The following ZFPM1 variants were observed in gnomAD, a reference collection of about 807,000 sequenced individuals.
ZFPM1 encodes zinc finger protein, FOG family member 1.
Under a neutral mutation model 46.3 loss-of-function variants are expected in ZFPM1, and 28 were observed. That is an observed-to-expected ratio of 0.60 (90% CI 0.45 to 0.83). The LOEUF (loss-of-function observed/expected upper bound fraction) is 0.83, where lower values mean the gene tolerates loss of function less well. Among genes scored for constraint, ZFPM1 ranks in the 40% least tolerant of loss-of-function variants. ZFPM1 has a pLI of 0.00. For synonymous variants in ZFPM1, 957 were observed against 675.9 expected (o/e 1.42, Z -6.45); for missense variants, 1,878 against 1,432.4 (o/e 1.31, Z -5.02).
intron 3 of ZFPM1, among the ~76,000 whole-genome samples, chr16:88,508,169 CACCTG>C (rs1910761820): frequency 6.6e-6 from 1 of 152,138 alleles, no homozygotes; most frequent in South Asian, 2.1e-4. Context: ...CGGTGGCGCG[CACCTG>C]TACTCCCAGC....
chr16:88,459,314 G>A (rs1434688234), intron 1 of ZFPM1, among the ~76,000 whole-genome samples: 4 of 152,168 alleles, frequency 2.6e-5, no homozygotes, highest in African/African-American at 4.8e-5. Context: ...CCAGAGGGAC[G>A]CTCAGCTCAA....
rs1432696046 is a variant in ZFPM1, at chr16:88,534,799, G to A, written c.2841G>A (p.Pro947=). 3 of 1,374,026 alleles carry A rather than the reference G, an allele frequency of 2.2e-6. No homozygotes were observed. Among genetic ancestry groups the A allele is most frequent in the Non-Finnish European group, 2.8e-6 (3 of 1,058,894 alleles). The allele number at this position is 1,374,026 out of a possible 1,614,324, so 85.1% of individuals were successfully genotyped here. ...AAAPEAVPPP[P]APPSYSDKGV... ...CGCCCGAGGCCGTGCCGCCCCCGCC[G>A]GCGCCCCCCTCCTACTCGGACAAGG... Residue 947 remains proline (P), a synonymous_variant, in exon 10 of 10, where the codon CCG becomes CCA. Coordinates refer to ENST00000319555, the MANE Select transcript of ZFPM1 (RefSeq NM_153813.3).
chr16:88,481,672 C>G (rs1163030248), intron 1 of ZFPM1, among the ~76,000 whole-genome samples: 1 of 152,052 alleles, frequency 6.6e-6, no homozygotes, highest in Non-Finnish European at 1.5e-5. Context: ...CTCCATGCAC[C>G]CTGTCCCCCT....
intron 1 of ZFPM1, among the ~76,000 whole-genome samples, chr16:88,482,360 A>G (rs1597240036): frequency 6.6e-6 from 1 of 152,244 alleles, no homozygotes; most frequent in East Asian, 1.9e-4. Context: ...CCAGGGCAGC[A>G]TCCACCTCGA....
chr16:88,505,920 C>G (rs1202947477), intron 3 of ZFPM1, among the ~76,000 whole-genome samples: 1 of 152,242 alleles, frequency 6.6e-6, no homozygotes, highest in Admixed American at 6.5e-5. Context: ...AGGACAGGCA[C>G]CCCCCGCACC....
intron 1 of ZFPM1, among the ~76,000 whole-genome samples, chr16:88,465,101 C>G (rs1908075281): frequency 6.6e-6 from 1 of 152,234 alleles, no homozygotes; most frequent in African/African-American, 2.4e-5. Context: ...CTCCCAGCCT[C>G]TTTTGGCCCC....
At chr16:88,513,863 TCTTTTCTGTCTC>T (rs1911119815) in intron 3 of ZFPM1, among the ~76,000 whole-genome samples, 1 of 152,182 alleles carries the variant, frequency 6.6e-6, no homozygotes. Context: ...CTTCCCATGG[TCTTTTCTGTCTC>T]CTTTTCTGTG....
rs1567560134 is a variant in ZFPM1 at position 88,535,228 on chromosome 16, C to G, written c.*249C>G. ...CACACGCAGCCAGTGTCACATCCAGCCCTGCTGTGTACACAGGCCACTGCG... is the reference window on the plus strand; with the variant it reads ...CACACGCAGCCAGTGTCACATCCAGGCCTGCTGTGTACACAGGCCACTGCG... On this transcript the variant is annotated 3_prime_UTR_variant, in exon 10 of 10. Transcript: ENST00000319555. 2.7e-6 allele frequency: 1 copy of G among 365,136 alleles called. No homozygotes were observed. Among genetic ancestry groups the G allele is most frequent in the African/African-American group, 2.1e-5 (1 of 47,056 alleles). The allele number at this position is 365,136 out of a possible 1,614,324, so 22.6% of individuals were successfully genotyped here.
At chr16:88,501,941 TC>T (rs1426989855) in intron 3 of ZFPM1, among the ~76,000 whole-genome samples, 2 of 152,176 alleles carry the variant, frequency 1.3e-5, no homozygotes, top group African/African-American at 4.8e-5. Context: ...ACGTGGTTCA[TC>T]CGAGGTGGAG....
intron 6 of ZFPM1, among the ~76,000 whole-genome samples, chr16:88,529,279 C>T (rs917463345): frequency 2.0e-5 from 3 of 152,176 alleles, no homozygotes; most frequent in East Asian, 1.9e-4. Context: ...GGGACGGCAC[C>T]GGATGGCGTT....
At chr16:88,503,142 C>A (rs763211170) in intron 3 of ZFPM1, among the ~76,000 whole-genome samples, 7 of 152,238 alleles carry the variant, frequency 4.6e-5, no homozygotes, top group East Asian at 3.9e-4. Context: ...CAGTGGGGAC[C>A]CCCGTGGGTC....
Position 88,453,622 on chromosome 16 carries a change from C to A in ZFPM1, c.-17C>A. On this transcript the variant is annotated 5_prime_UTR_variant, in exon 1 of 10. Transcript: ENST00000319555. ...GGGCTAGAGGCGGCCGCCGGGAGGG[C>A]GCGCGGCGCCGGAGACATGTCCAGG... The A allele has an allele frequency of 9.0e-7, 1 of 1,112,052 alleles. No individual in the cohort carries two copies. Among genetic ancestry groups the A allele is most frequent in the Middle Eastern group, 3.8e-4 (1 of 2,604 alleles). The allele number at this position is 1,112,052 out of a possible 1,614,324, so 68.9% of individuals were successfully genotyped here. A position where few individuals can be genotyped will look rare whatever the true frequency, so the allele number is the denominator to read the frequency against.
At chr16:88,454,786 C>G (rs886960090) in intron 1 of ZFPM1, among the ~76,000 whole-genome samples, 2 of 152,052 alleles carry the variant, frequency 1.3e-5, no homozygotes, top group Non-Finnish European at 1.5e-5. Context: ...CGGAGCCTGA[C>G]GGGCAGGTCG....
intron 3 of ZFPM1, among the ~76,000 whole-genome samples, chr16:88,511,215 G>C (rs941482823): frequency 6.6e-6 from 1 of 152,140 alleles, no homozygotes; most frequent in Non-Finnish European, 1.5e-5. Flanking sequence ...TGTGTTTTCT[G>C]GGAGCCCCAA....
chr16:88,523,700 G>A (rs1168487633), intron 4 of ZFPM1, among the ~76,000 whole-genome samples: 2 of 152,230 alleles, frequency 1.3e-5, no homozygotes, highest in Non-Finnish European at 2.9e-5. Context: ...AGAAGTAGGA[G>A]CGGCAGGCCC....
intron 1 of ZFPM1, among the ~76,000 whole-genome samples, chr16:88,456,039 C>G (rs1907544753): frequency 2.0e-5 from 3 of 152,224 alleles, no homozygotes; most frequent in Admixed American, 6.5e-5. Context: ...AGCGCGGGGG[C>G]GCCGCGACTG....
intron 3 of ZFPM1, among the ~76,000 whole-genome samples, chr16:88,491,307 A>G (rs1332447833): frequency 6.6e-6 from 1 of 152,118 alleles, no homozygotes; most frequent in Non-Finnish European, 1.5e-5. Context: ...CCCACACTCT[A>G]TCAGTGGAGA....
chr16:88,472,026 C>T (rs887187349), intron 1 of ZFPM1, among the ~76,000 whole-genome samples: 10 of 152,316 alleles, frequency 6.6e-5, no homozygotes, highest in African/African-American at 1.7e-4. Flanking sequence ...TGATGGGCAG[C>T]GGAAGTCTGT....
chr16:88,519,986 A>G (rs1043065031), intron 4 of ZFPM1, among the ~76,000 whole-genome samples: 2 of 138,828 alleles, frequency 1.4e-5, no homozygotes, highest in Non-Finnish European at 3.1e-5. Flanking sequence ...GGGTAGGTGG[A>G]TGGATGGGTG....
Sources: allele counts gnomAD v4.1 joint callset (sites outside exome capture counted in the v4.1 genomes callset), GRCh38; gene constraint gnomAD v4.1.1; transcripts MANE v1.5; gene names NCBI Gene and HGNC (gene_info 2026-07-23, HGNC 2026-07-21).